The following CCDC178 variants were observed in gnomAD, a reference collection of about 807,000 sequenced individuals.
The protein encoded by CCDC178 is coiled-coil domain-containing protein 178.
A neutral mutation model predicts 117.4 loss-of-function variants in CCDC178; 126 were observed. The ratio of observed to expected loss-of-function variants is 1.07; its 90% confidence interval spans 0.93 to 1.24. CCDC178 has a LOEUF of 1.24. Among genes scored for constraint, CCDC178 ranks in the 50% most tolerant of loss-of-function variants. CCDC178 has a pLI of 0.00. For synonymous variants in CCDC178, 283 were observed against 313.4 expected (o/e 0.90, Z 1.02); for missense variants, 1,030 against 986.9 (o/e 1.04, Z -0.59).
chr18:33,127,911 T>C (rs955158580), intron 20 of CCDC178, among the ~76,000 whole-genome samples: 3 of 152,224 alleles, frequency 2.0e-5, no homozygotes, highest in Middle Eastern at 3.4e-3. Context: ...AGGGAGGAAG[T>C]GAAGCCCACA....
At chr18:32,990,158 A>G (rs548478327) in intron 21 of CCDC178, among the ~76,000 whole-genome samples, 50 of 152,170 alleles carry the variant, frequency 3.3e-4, no homozygotes, top group Non-Finnish European at 5.1e-4. Context: ...AACCATGGCC[A>G]TGCCTATGAA....
At chr18:33,323,425 A>C in intron 11 of CCDC178, 66 bp downstream of exon 11, 1 of 1,034,004 alleles carries the variant, frequency 9.7e-7, no homozygotes, top group African/African-American at 1.7e-5. Context: ...ATAGAAATAT[A>C]CATTACATTT....
chr18:33,422,952 A>G (rs1322507180), intron 2 of CCDC178, among the ~76,000 whole-genome samples: 1 of 152,022 alleles, frequency 6.6e-6, no homozygotes, highest in African/African-American at 2.4e-5. Flanking sequence ...TTTTTGTTTC[A>G]CCATTCTTAT....
At chr18:33,056,105 A>G (rs1016922908) in intron 21 of CCDC178, among the ~76,000 whole-genome samples, 1 of 152,152 alleles carries the variant, frequency 6.6e-6, no homozygotes, top group Non-Finnish European at 1.5e-5. Flanking sequence ...CCTGGCCTCA[A>G]TGGAAGATTA....
chr18:33,314,559 CA>C (rs1220934482), intron 11 of CCDC178, among the ~76,000 whole-genome samples: 1 of 152,122 alleles, frequency 6.6e-6, no homozygotes, highest in African/African-American at 2.4e-5. Context: ...GTCAGATAAC[CA>C]GGAGGTCCTC....
intron 21 of CCDC178, among the ~76,000 whole-genome samples, chr18:33,050,860 T>A (rs1302326718): frequency 6.6e-6 from 1 of 152,170 alleles, no homozygotes; most frequent in Non-Finnish European, 1.5e-5. Context: ...AAAAGCTTCA[T>A]CTATTTAGTT....
intron 20 of CCDC178, among the ~76,000 whole-genome samples, chr18:33,097,423 C>T (rs945707082): frequency 2.6e-5 from 4 of 152,126 alleles, no homozygotes; most frequent in Admixed American, 6.5e-5. Context: ...ATGCCATCCC[C>T]GCTCGGCCTT....
rs530764182 is a variant in CCDC178, at chr18:33,194,900, C to CAAAAA, written c.2238+16991_2238+16995dup. Among the ~76,000 whole-genome samples, 503 of 56,092 alleles carry CAAAAA rather than the reference C, an allele frequency of 9.0e-3. 30 individuals are homozygous for CAAAAA. The highest frequency in any genetic ancestry group is 0.028 in the African/African-American group (446 of 15,654). The allele number at this position is 56,092 out of a possible 152,430, so 36.8% of individuals were successfully genotyped here. On this transcript the variant is annotated intron_variant, in intron 20 of 22. Transcript: ENST00000383096. ...GCAATACAATGAGACTCTGTTTCTA[C>CAAAAA]AAAAAAAAAAAAAAAAAAAGAGAGA...
intron 15 of CCDC178, among the ~76,000 whole-genome samples, chr18:33,227,560 A>G (rs199650215): frequency 0.15 from 17,251 of 112,938 alleles, 1,151 homozygotes; most frequent in Admixed American, 0.25. Flanking sequence ...GTGTGTGTAT[A>G]TATATATATA....
chr18:33,217,983 G>T lies in CCDC178; in HGVS notation c.1933-2288C>A, dbSNP rs546680767. Among the ~76,000 whole-genome samples, 3 of 152,212 alleles carry T rather than the reference G, an allele frequency of 2.0e-5. No individual in the cohort carries two copies. In the South Asian group the frequency reaches 6.2e-4, roughly 32 times the overall value. On this transcript the variant is annotated intron_variant, in intron 18 of 22. Transcript: ENST00000383096. ...CTCTTCATAGGCTTATCATGAAAAT[G>T]AAATGATGTGCTGTTATGTCTGTGC...
intron 21 of CCDC178, among the ~76,000 whole-genome samples, chr18:33,011,249 G>A (rs1418714738): frequency 1.3e-5 from 2 of 152,090 alleles, no homozygotes; most frequent in Non-Finnish European, 2.9e-5. Context: ...TGGTAAAACA[G>A]CCACAACAGT....
intron 19 of CCDC178, among the ~76,000 whole-genome samples, chr18:33,213,715 C>T (rs2144595513): frequency 6.6e-6 from 1 of 152,056 alleles, no homozygotes; most frequent in South Asian, 2.1e-4. Flanking sequence ...AGTGATAAAA[C>T]AAGTGGACTT....
At chr18:33,401,100 A>G (rs1340007528) in intron 3 of CCDC178, among the ~76,000 whole-genome samples, 1 of 152,202 alleles carries the variant, frequency 6.6e-6, no homozygotes, top group South Asian at 2.1e-4. Context: ...GTTAGCTGTC[A>G]TATGTGTGTA....
chr18:33,180,469 A>G (rs1393101422), intron 20 of CCDC178, among the ~76,000 whole-genome samples: 2 of 151,968 alleles, frequency 1.3e-5, no homozygotes, highest in Non-Finnish European at 2.9e-5. Context: ...TATAAAATAT[A>G]ATCCAATGAG....
chr18:33,018,854 TG>T (rs1465583556), intron 21 of CCDC178, among the ~76,000 whole-genome samples: 1 of 152,070 alleles, frequency 6.6e-6, no homozygotes, highest in African/African-American at 2.4e-5. Context: ...ATCATGGAAA[TG>T]TATACTTTAA....
intron 9 of CCDC178, among the ~76,000 whole-genome samples, chr18:33,340,710 C>G (rs923352448): frequency 6.6e-6 from 1 of 152,142 alleles, no homozygotes; most frequent in Non-Finnish European, 1.5e-5. Context: ...GGTGGAAGCC[C>G]CAAGCCTTGG....
At chr18:33,315,157 C>T (rs1423594304) in intron 11 of CCDC178, among the ~76,000 whole-genome samples, 8 of 152,114 alleles carry the variant, frequency 5.3e-5, no homozygotes, top group African/African-American at 1.4e-4. Flanking sequence ...AAATTCTAGC[C>T]TATAAGACTA....
At chr18:33,128,191 AAAC>A (rs1376914010) in intron 20 of CCDC178, among the ~76,000 whole-genome samples, 1 of 152,220 alleles carries the variant, frequency 6.6e-6, no homozygotes, top group Non-Finnish European at 1.5e-5. Context: ...GTTACTACAC[AAAC>A]AACATCTCTA....
intron 5 of CCDC178, among the ~76,000 whole-genome samples, chr18:33,374,900 T>C (rs576561730): frequency 1.4e-4 from 21 of 152,316 alleles, no homozygotes; most frequent in African/African-American, 3.4e-4. Flanking sequence ...ATTTCATTTA[T>C]TTGAAATGTT....
Sources: gnomAD v4.1 joint callset for allele counts (sites outside exome capture counted in the v4.1 genomes callset) on GRCh38, gnomAD v4.1.1 for gene constraint, MANE v1.5 for transcripts, NCBI Gene and HGNC (gene_info 2026-07-23, HGNC 2026-07-21) for gene names.